Variants in CRYBG3 observed in about 807,000 individuals in gnomAD.
CRYBG3 encodes the protein very large A-kinase anchor protein.
In CRYBG3, 127 loss-of-function variants were observed where a neutral mutation model predicts 244.2. That is an observed-to-expected ratio of 0.52 (90% CI 0.45 to 0.60). The LOEUF (loss-of-function observed/expected upper bound fraction) is 0.60, where lower values mean the gene tolerates loss of function less well. Ranked by LOEUF, CRYBG3 falls within the 20% of genes least tolerant of loss-of-function variation. The pLI, the probability that CRYBG3 is intolerant of heterozygous loss-of-function variation, is 0.00. For missense variants in CRYBG3, 3,325 were observed against 3,442.5 expected (o/e 0.97, Z 0.85); for synonymous variants, 1,132 against 1,195.8 (o/e 0.95, Z 1.10).
At chr3:97,883,199 A>G (rs1268198021) in intron 7 of CRYBG3, among the ~76,000 whole-genome samples, 1 of 152,170 alleles carries the variant, frequency 6.6e-6, no homozygotes, top group Admixed American at 6.6e-5. Flanking sequence ...TTGGTGGCCT[A>G]GTATACTGCA....
chr3:97,861,697 A>G (rs2039151607), intron 2 of CRYBG3, among the ~76,000 whole-genome samples: 1 of 152,032 alleles, frequency 6.6e-6, no homozygotes, highest in African/African-American at 2.4e-5. Flanking sequence ...CTTTCATTCT[A>G]CTCATTCATT....
chr3:97,853,513 A>G lies in CRYBG3; in HGVS notation c.216+10252A>G, dbSNP rs556362458. ...TTGCAATTGCGAATTGTGCTGCTAT[A>G]AACATGTGAGTGCAGGTGACTTTTT... On this transcript the variant is annotated intron_variant, in intron 2 of 21. Transcript: ENST00000389622. Among the ~76,000 whole-genome samples, 3 of 152,170 alleles carry G rather than the reference A, an allele frequency of 2.0e-5. No individual in the cohort carries two copies. In the South Asian group the frequency reaches 6.2e-4, roughly 32 times the overall value.
At position 97,900,455 on chromosome 3, in the gene CRYBG3, A is replaced by C; in HGVS notation, c.7974A>C (p.Glu2658Asp). 2 of 1,551,610 alleles carry C rather than the reference A, an allele frequency of 1.3e-6. No homozygotes were observed. Among genetic ancestry groups the C allele is most frequent in the Non-Finnish European group, 1.8e-6 (2 of 1,125,796 alleles). The change falls in exon 15 of 22, where the codon GAA (glutamate) becomes GAC (aspartate). Residue 2658 changes from glutamate (E) to aspartate (D), a missense_variant and splice_region_variant. Transcript: ENST00000389622. ...AAATGTTTTAATATGTTTTTCAGGA[A>C]CCACTTGGGATAAATGAACCTCCGC... ...IIMSIRPIQL[E>D]PLGINEPPHL...
Position 97,943,444 on chromosome 3 carries a change from C to T in CRYBG3, c.*130C>T, listed in dbSNP as rs1438682940. On this transcript the variant is annotated 3_prime_UTR_variant, in exon 22 of 22. Transcript: ENST00000389622. ...GATCACTGAGCAGAATGAACATTTT[C>T]TCCAGCCTCTGAGACTATCGCTCTT... The T allele has an allele frequency of 6.3e-6, 4 of 639,290 alleles. No individual in the cohort carries two copies. Among genetic ancestry groups the T allele is most frequent in the African/African-American group, 5.7e-5 (3 of 52,268 alleles). The allele number at this position is 639,290 out of a possible 1,614,324, so 39.6% of individuals were successfully genotyped here.
intron 3 of CRYBG3, among the ~76,000 whole-genome samples, chr3:97,869,094 T>A (rs906340881): frequency 2.0e-5 from 3 of 152,188 alleles, no homozygotes; most frequent in Non-Finnish European, 4.4e-5. Flanking sequence ...AACTTACATA[T>A]TTTGATATGG....
intron 2 of CRYBG3, among the ~76,000 whole-genome samples, chr3:97,855,439 GAA>G (rs969683051): frequency 6.6e-6 from 1 of 152,118 alleles, no homozygotes; most frequent in African/African-American, 2.4e-5. Context: ...CAGTTTAGTA[GAA>G]TTCAGCAGTG....
At chr3:97,930,677 C>G (rs184000875) in intron 17 of CRYBG3, among the ~76,000 whole-genome samples, 3 of 152,136 alleles carry the variant, frequency 2.0e-5, no homozygotes, top group Admixed American at 1.3e-4. Context: ...GCACTAGCCA[C>G]CTGTGGTTAT....
At chr3:97,914,219 T>G (rs1419025621) in intron 16 of CRYBG3, among the ~76,000 whole-genome samples, 1 of 152,082 alleles carries the variant, frequency 6.6e-6, no homozygotes, top group Non-Finnish European at 1.5e-5. Context: ...ACACATAAAG[T>G]AGGGCAGTAT....
chr3:97,849,208 G>A (rs1323893172), intron 2 of CRYBG3, among the ~76,000 whole-genome samples: 2 of 152,208 alleles, frequency 1.3e-5, no homozygotes, highest in African/African-American at 4.8e-5. Flanking sequence ...CTGATACAGA[G>A]TAGGCACTTG....
chr3:97,923,898 C>A (rs934196603), intron 17 of CRYBG3, among the ~76,000 whole-genome samples: 7 of 152,160 alleles, frequency 4.6e-5, no homozygotes, highest in African/African-American at 1.7e-4. Context: ...TCAGGCAAAA[C>A]ACAGTGTTCT....
At chr3:97,943,131 C>G (rs1345813929) in intron 21 of CRYBG3, 95 bp from the exon 22 acceptor site, 1 of 686,810 alleles carries the variant, frequency 1.5e-6, no homozygotes, top group East Asian at 2.7e-5. Flanking sequence ...ATTCATCCAC[C>G]GAAATGGTGA....
intron 7 of CRYBG3, among the ~76,000 whole-genome samples, chr3:97,883,588 A>G (rs1260256300): frequency 6.6e-6 from 1 of 152,218 alleles, no homozygotes; most frequent in East Asian, 1.9e-4. Context: ...ATATATTATA[A>G]GAAAGAGTAA....
At chr3:97,924,107 G>C (rs767326320) in intron 17 of CRYBG3, 9 of 254,274 alleles carry the variant, frequency 3.5e-5, no homozygotes, top group Non-Finnish European at 6.9e-5. Flanking sequence ...AAATGGGACA[G>C]AGGAATAGGG....
intron 15 of CRYBG3, among the ~76,000 whole-genome samples, chr3:97,909,610 A>T (rs1439753651): frequency 6.7e-6 from 1 of 150,336 alleles, no homozygotes; most frequent in Non-Finnish European, 1.5e-5. Flanking sequence ...AGCTCCTTTA[A>T]GCACTTCTCT....
intron 10 of CRYBG3, 102 bp from the exon 11 acceptor site, chr3:97,892,756 TAA>T: frequency 1.8e-6 from 1 of 559,052 alleles, no homozygotes; most frequent in Non-Finnish European, 3.0e-6. Context: ...TCATATTAAT[TAA>T]AAAAAAATAG....
rs778136905 is a variant in CRYBG3, at chr3:97,938,844, G to C, written c.8505+1936G>C. Among the ~76,000 whole-genome samples, 4 of 151,842 alleles carry C rather than the reference G, an allele frequency of 2.6e-5. No individual in the cohort carries two copies. In the East Asian group the frequency reaches 7.7e-4, roughly 29 times the overall value. On this transcript the variant is annotated intron_variant, in intron 19 of 21. Transcript: ENST00000389622. The stretch of plus-strand genomic sequence containing the variant: ...TGTCCCTTGAGATGCTCTTTTGAGG[G>C]ATACTGAAACATTAATGGCTTTCCT...
intron 2 of CRYBG3, among the ~76,000 whole-genome samples, chr3:97,857,204 C>A (rs1372183764): frequency 1.3e-5 from 2 of 151,780 alleles, no homozygotes; most frequent in Non-Finnish European, 2.9e-5. Context: ...TTATTGATTT[C>A]TAGTGTTATT....
chr3:97,848,058 T>C (rs1303250927), intron 2 of CRYBG3, among the ~76,000 whole-genome samples: 1 of 152,222 alleles, frequency 6.6e-6, no homozygotes, highest in Non-Finnish European at 1.5e-5. Context: ...TTTACATTAA[T>C]GCCCGTATTC....
rs936544190 is a variant in CRYBG3 at position 97,876,147 on chromosome 3, T to G, written c.4953T>G (p.Ala1651=). 1.6e-6 allele frequency: 2 copies of G among 1,231,908 alleles called. No homozygotes were observed. Among genetic ancestry groups the G allele is most frequent in the South Asian group, 8.2e-5 (2 of 24,304 alleles). 76.3% of individuals were successfully genotyped at this position (1,231,908 alleles called of 1,614,324 possible). A position where few individuals can be genotyped will look rare whatever the true frequency, so the allele number is the denominator to read the frequency against. The part of the protein sequence containing the change: ...PEVKNIHQKD[A]EGDIVKTEMT... ...TGAAAAATATCCACCAAAAGGATGC[T>G]GAAGGGGATATTGTAAAGACTGAGA... is the stretch of plus-strand genomic sequence containing the variant. Residue 1651 remains alanine (A), a synonymous_variant, in exon 4 of 22, where the codon GCT becomes GCG. Coordinates refer to ENST00000389622, the MANE Select transcript of CRYBG3 (RefSeq NM_153605.4).
Sources: gnomAD v4.1 joint callset for allele counts (sites outside exome capture counted in the v4.1 genomes callset) on GRCh38, gnomAD v4.1.1 for gene constraint, MANE v1.5 for transcripts, NCBI Gene and HGNC (gene_info 2026-07-23, HGNC 2026-07-21) for gene names.